Variants in PDE4D observed in about 807,000 individuals in gnomAD.
The protein encoded by PDE4D is 3',5'-cyclic-AMP phosphodiesterase 4D.
PDE4D carries 24 observed loss-of-function variants against 87.4 expected under a neutral mutation model. The ratio of observed to expected loss-of-function variants is 0.27; its 90% CI spans 0.20 to 0.39. PDE4D has a LOEUF of 0.39. Among genes scored for constraint, PDE4D ranks in the 10% least tolerant of loss-of-function variants. PDE4D has a pLI of 1.00. For synonymous variants in PDE4D, 384 were observed against 383.2 expected (o/e 1.00, Z -0.02); for missense variants, 714 against 1,041.0 (o/e 0.69, Z 4.32).
intron 1 of PDE4D, among the ~76,000 whole-genome samples, chr5:59,892,111 T>C (rs1161178620): frequency 6.6e-6 from 1 of 152,148 alleles, no homozygotes; most frequent in Non-Finnish European, 1.5e-5. Context: ...GTGGAAGGCC[T>C]GGGACAGGGA....
chr5:60,186,074 G>A (rs144924203), intron 1 of PDE4D, among the ~76,000 whole-genome samples: 4 of 152,248 alleles, frequency 2.6e-5, no homozygotes, highest in Non-Finnish European at 4.4e-5. Flanking sequence ...GGATCACTAA[G>A]GTGATCCACT....
intron 1 of PDE4D, among the ~76,000 whole-genome samples, chr5:60,404,904 A>T (rs993168077): frequency 2.0e-5 from 3 of 152,248 alleles, no homozygotes; most frequent in Non-Finnish European, 2.9e-5. Context: ...CAGGAACCAG[A>T]GAATGAGAAA....
intron 1 of PDE4D, among the ~76,000 whole-genome samples, chr5:59,304,467 TTG>T (rs1427075966): frequency 6.6e-6 from 1 of 152,180 alleles, no homozygotes; most frequent in Non-Finnish European, 1.5e-5. Context: ...CATCATTGTC[TTG>T]TTCCAGTTCT....
At chr5:59,176,173 C>A (rs939789742) in intron 5 of PDE4D, among the ~76,000 whole-genome samples, 12 of 152,234 alleles carry the variant, frequency 7.9e-5, no homozygotes, top group Non-Finnish European at 2.9e-5. Context: ...TCATTTTAGA[C>A]CTGTATGTTT....
At chr5:59,721,071 T>G (rs7700279) in intron 1 of PDE4D, among the ~76,000 whole-genome samples, 45,893 of 152,032 alleles carry the variant, frequency 0.3, 7,171 homozygotes, top group Middle Eastern at 0.5. Flanking sequence ...TACTAAAATA[T>G]AGGGGAGTAA....
intron 2 of PDE4D, among the ~76,000 whole-genome samples, chr5:60,040,904 A>T (rs1243550351): frequency 1.3e-5 from 2 of 152,196 alleles, no homozygotes; most frequent in African/African-American, 4.8e-5. Flanking sequence ...AGTGAGCCCG[A>T]ATTCTTTCGT....
At chr5:59,988,419 T>G (rs1378539067) in intron 3 of PDE4D, 14 of 1,011,768 alleles carry the variant, frequency 1.4e-5, no homozygotes, top group Non-Finnish European at 2.0e-5. Context: ...CCACAAAAAC[T>G]CAAAAGACCA....
At chr5:60,492,854 C>T (rs1459238225), upstream of PDE4D, among the ~76,000 whole-genome samples, 1 of 148,566 alleles carries the variant, frequency 6.7e-6, no homozygotes, top group Non-Finnish European at 1.5e-5. Flanking sequence ...AACAAATCTG[C>T]ACATTGTGCA....
chr5:59,044,316 G>A (rs1485565053), intron 5 of PDE4D, among the ~76,000 whole-genome samples: 1 of 152,182 alleles, frequency 6.6e-6, no homozygotes, highest in Admixed American at 6.5e-5. Context: ...GTCATGATGA[G>A]CACTGATCCA....
intron 2 of PDE4D, among the ~76,000 whole-genome samples, chr5:59,198,335 G>A (rs1436485739): frequency 6.6e-6 from 1 of 152,226 alleles, no homozygotes. Context: ...ATGCACACAT[G>A]TATACATGTA....
intron 1 of PDE4D, among the ~76,000 whole-genome samples, chr5:59,542,506 A>G (rs1431739373): frequency 6.6e-6 from 1 of 152,200 alleles, no homozygotes; most frequent in Non-Finnish European, 1.5e-5. Context: ...TCATTTCTGC[A>G]CAGAATTTCA....
intron 1 of PDE4D, among the ~76,000 whole-genome samples, chr5:59,254,362 A>C (rs996872073): frequency 6.6e-6 from 1 of 152,080 alleles, no homozygotes; most frequent in African/African-American, 2.4e-5. Context: ...TAAAACATTT[A>C]AGAAACACTA....
intron 1 of PDE4D, among the ~76,000 whole-genome samples, chr5:59,597,984 G>A (rs939489612): frequency 3.3e-5 from 5 of 151,966 alleles, no homozygotes; most frequent in African/African-American, 4.8e-5. Flanking sequence ...TAAAAAAATC[G>A]CAATAGACTA....
intron 2 of PDE4D, among the ~76,000 whole-genome samples, chr5:60,069,769 T>C (rs974616109): frequency 6.6e-6 from 1 of 152,160 alleles, no homozygotes; most frequent in Non-Finnish European, 1.5e-5. Context: ...AGATTTCTTT[T>C]GGTAGTATGG....
chr5:60,222,725 T>C (rs1041779920), intron 1 of PDE4D, among the ~76,000 whole-genome samples: 3 of 152,130 alleles, frequency 2.0e-5, no homozygotes, highest in African/African-American at 7.2e-5. Context: ...ATCTCTCTGA[T>C]GACTAATAAA....
At chr5:60,198,242 G>A (rs1055709396) in intron 1 of PDE4D, among the ~76,000 whole-genome samples, 2 of 151,060 alleles carry the variant, frequency 1.3e-5, no homozygotes, top group Non-Finnish European at 3.0e-5. Flanking sequence ...TCAATGTAGT[G>A]CCTTGTTTTA....
At chr5:59,018,396 TG>T (rs1156829641) in intron 6 of PDE4D, among the ~76,000 whole-genome samples, 1 of 152,240 alleles carries the variant, frequency 6.6e-6, no homozygotes, top group African/African-American at 2.4e-5. Context: ...TATTACACTT[TG>T]GGTGAATGTA....
chr5:59,757,231 T>A (rs2150757083), intron 1 of PDE4D, among the ~76,000 whole-genome samples: 1 of 152,318 alleles, frequency 6.6e-6, no homozygotes, highest in East Asian at 1.9e-4. Context: ...AAAGAAAGAT[T>A]GCACCCAATG....
intron 1 of PDE4D, among the ~76,000 whole-genome samples, chr5:60,197,734 G>T (rs1375452660): frequency 6.6e-6 from 1 of 151,496 alleles, no homozygotes; most frequent in East Asian, 1.9e-4. Context: ...GAAAAGCAAG[G>T]CATAAAATGA....
Sources: allele counts gnomAD v4.1 joint callset (sites outside exome capture counted in the v4.1 genomes callset), GRCh38; gene constraint gnomAD v4.1.1; transcripts MANE v1.5; gene names NCBI Gene and HGNC (gene_info 2026-07-23, HGNC 2026-07-21).